THRB: variants seen among roughly 807,000 people sequenced by gnomAD.
The protein encoded by THRB is nuclear receptor subfamily 1 group A member 2.
A neutral mutation model predicts 47.8 loss-of-function variants in THRB; 12 were observed. The ratio of observed to expected loss-of-function variants is 0.25; its 90% CI spans 0.16 to 0.41. THRB has a LOEUF of 0.41. Ranked by LOEUF, THRB falls within the 10% of genes least tolerant of loss-of-function variation. The probability of loss-of-function intolerance (pLI) is 1.00; values close to 1 mark genes in which losing one functional copy is unlikely to be tolerated. For synonymous variants in THRB, 218 were observed against 212.2 expected, an observed-to-expected ratio of 1.03 and a Z score of -0.24; for missense variants, 348 against 589.2, an observed-to-expected ratio of 0.59 and a Z score of 4.24.
chr3:24,224,994 A>G (rs2047513552), intron 4 of THRB, among the ~76,000 whole-genome samples: 1 of 152,238 alleles, frequency 6.6e-6, no homozygotes, highest in South Asian at 2.1e-4. Flanking sequence ...AATAGAGCTC[A>G]TATATCCATA....
chr3:24,170,487 A>C (rs1287668876), intron 5 of THRB, among the ~76,000 whole-genome samples: 2 of 152,176 alleles, frequency 1.3e-5, no homozygotes, highest in Admixed American at 1.3e-4. Context: ...GTGGCTTTGT[A>C]CTGTATTTAG....
chr3:24,177,309 C>T (rs1036789513), intron 5 of THRB, among the ~76,000 whole-genome samples: 3 of 152,162 alleles, frequency 2.0e-5, no homozygotes, highest in Non-Finnish European at 2.9e-5. Context: ...TTCATCATCG[C>T]TTGGTTGTCA....
chr3:24,473,405 G>T (rs1324263032), intron 1 of THRB, among the ~76,000 whole-genome samples: 1 of 152,124 alleles, frequency 6.6e-6, no homozygotes, highest in East Asian at 1.9e-4. Flanking sequence ...TCTCACACCA[G>T]TTAGAATGGT....
At chr3:24,331,068 A>AAG (rs2061895101) in intron 2 of THRB, among the ~76,000 whole-genome samples, 1 of 152,154 alleles carries the variant, frequency 6.6e-6, no homozygotes, top group South Asian at 2.1e-4. Flanking sequence ...GGAGTTCCGA[A>AAG]AGAGCTGGCT....
intron 1 of THRB, among the ~76,000 whole-genome samples, chr3:24,390,149 G>A (rs190447612): frequency 6.6e-6 from 1 of 152,190 alleles, no homozygotes; most frequent in Admixed American, 6.5e-5. Flanking sequence ...GCCAGAGGAA[G>A]GGGGAAAAAG....
intron 4 of THRB, 111 bp from the exon 5 acceptor site, chr3:24,190,445 T>C (rs1356640505): frequency 5.2e-6 from 7 of 1,334,488 alleles, no homozygotes; most frequent in Non-Finnish European, 7.5e-6. Context: ...GCTGACAGTA[T>C]TCACATGCCA....
At chr3:24,418,750 TAAG>T (rs2068972804) in intron 1 of THRB, among the ~76,000 whole-genome samples, 1 of 151,912 alleles carries the variant, frequency 6.6e-6, no homozygotes, top group Non-Finnish European at 1.5e-5. Context: ...ATCCACATGC[TAAG>T]AAATCAACAG....
chr3:24,225,415 T>G (rs2047557100), intron 4 of THRB, among the ~76,000 whole-genome samples: 1 of 152,232 alleles, frequency 6.6e-6, no homozygotes, highest in Non-Finnish European at 1.5e-5. Context: ...AATAACTGAA[T>G]GGGGAATACA....
At chr3:24,270,904 C>G (rs1173551167) in intron 3 of THRB, among the ~76,000 whole-genome samples, 1 of 152,168 alleles carries the variant, frequency 6.6e-6, no homozygotes, top group East Asian at 1.9e-4. Context: ...AGGATTCTAC[C>G]TATTTAGTGA....
chr3:24,312,228 C>G (rs889534512), intron 2 of THRB, among the ~76,000 whole-genome samples: 3 of 152,244 alleles, frequency 2.0e-5, no homozygotes, highest in Non-Finnish European at 4.4e-5. Flanking sequence ...GTTCTCACGG[C>G]ACCTTGTAAA....
chr3:24,317,749 A>G (rs1277113058), intron 2 of THRB, among the ~76,000 whole-genome samples: 5 of 152,236 alleles, frequency 3.3e-5, no homozygotes, highest in Non-Finnish European at 2.9e-5. Flanking sequence ...ATATTCACAA[A>G]AAGAGATGGA....
At chr3:24,435,385 A>C (rs1047281663) in intron 1 of THRB, among the ~76,000 whole-genome samples, 2 of 152,164 alleles carry the variant, frequency 1.3e-5, no homozygotes, top group Admixed American at 1.3e-4. Flanking sequence ...ATGTCAGAGA[A>C]AGCAGATGCG....
intron 3 of THRB, among the ~76,000 whole-genome samples, chr3:24,284,599 A>C (rs1162369341): frequency 6.6e-6 from 1 of 150,904 alleles, no homozygotes; most frequent in Non-Finnish European, 1.5e-5. Context: ...ATTAAACTAA[A>C]GAGCTTCTGC....
intron 1 of THRB, among the ~76,000 whole-genome samples, chr3:24,399,102 T>C (rs2067203435): frequency 6.6e-6 from 1 of 151,470 alleles, no homozygotes; most frequent in African/African-American, 2.4e-5. Context: ...TGGGGAGGGA[T>C]AGCATTAGGA....
At chr3:24,252,676 T>C (rs772273212) in intron 3 of THRB, among the ~76,000 whole-genome samples, 30 of 151,562 alleles carry the variant, frequency 2.0e-4, no homozygotes, top group Non-Finnish European at 3.4e-4. Context: ...CAGGAACTAG[T>C]TAAATAAACC....
chr3:24,355,851 T>C (rs1282516838), intron 1 of THRB, among the ~76,000 whole-genome samples: 1 of 152,144 alleles, frequency 6.6e-6, no homozygotes, highest in Non-Finnish European at 1.5e-5. Context: ...GTCTGGCTTA[T>C]CATGGAAACT....
At chr3:24,400,063 C>T (rs1457566893) in intron 1 of THRB, among the ~76,000 whole-genome samples, 3 of 152,138 alleles carry the variant, frequency 2.0e-5, no homozygotes, top group Non-Finnish European at 4.4e-5. Flanking sequence ...GCTTCAAACA[C>T]TGAAGCAAAT....
At chr3:24,214,381 GA>G (rs1239173294) in intron 4 of THRB, among the ~76,000 whole-genome samples, 2 of 152,110 alleles carry the variant, frequency 1.3e-5, no homozygotes, top group Non-Finnish European at 2.9e-5. Context: ...GAAGTAAAGA[GA>G]AATAAAACAG....
At chr3:24,296,280 G>A (rs2056440379) in intron 3 of THRB, among the ~76,000 whole-genome samples, 1 of 152,216 alleles carries the variant, frequency 6.6e-6, no homozygotes, top group African/African-American at 2.4e-5. Context: ...AGAGTCAAGA[G>A]TTATTTGGAT....
Sources: allele counts gnomAD v4.1 joint callset (sites outside exome capture counted in the v4.1 genomes callset), GRCh38; gene constraint gnomAD v4.1.1; transcripts MANE v1.5; gene names NCBI Gene and HGNC (gene_info 2026-07-23, HGNC 2026-07-21).